The following AGBL4 variants were observed in gnomAD, a reference collection of about 807,000 sequenced individuals.
AGBL4 encodes cytosolic carboxypeptidase 6.
In AGBL4, 58 loss-of-function variants were observed where a neutral mutation model predicts 66.4. That is an observed-to-expected ratio of 0.87 (90% CI 0.71 to 1.09). The LOEUF is 1.09. Among genes scored for constraint, AGBL4 ranks in the 50% least tolerant of loss-of-function variants. The probability of loss-of-function intolerance (pLI) is 0.00; values close to 1 mark genes in which losing one functional copy is unlikely to be tolerated. For missense variants in AGBL4, 579 were observed against 631.0 expected (o/e 0.92, Z 0.88); for synonymous variants, 234 against 222.9 (o/e 1.05, Z -0.44).
intron 6 of AGBL4, among the ~76,000 whole-genome samples, chr1:48,843,717 G>C (rs1032400647): frequency 7.9e-5 from 12 of 151,718 alleles, no homozygotes; most frequent in South Asian, 6.3e-4. Flanking sequence ...AGTCAGAAAG[G>C]CCCTTTGAAA....
intron 3 of AGBL4, among the ~76,000 whole-genome samples, chr1:49,258,250 TCTC>T (rs1652737496): frequency 6.6e-6 from 1 of 151,980 alleles, no homozygotes; most frequent in South Asian, 2.1e-4. Context: ...GCAGAGCGCC[TCTC>T]CTCCTCCAAA....
intron 6 of AGBL4, among the ~76,000 whole-genome samples, chr1:48,847,130 G>A (rs992736369): frequency 7.3e-5 from 11 of 150,760 alleles, no homozygotes; most frequent in East Asian, 2.0e-4. Flanking sequence ...GAGAAACCCC[G>A]TCTCTACTAA....
intron 1 of AGBL4, among the ~76,000 whole-genome samples, chr1:49,875,226 T>C (rs1382835704): frequency 1.3e-5 from 2 of 149,638 alleles, no homozygotes; most frequent in Non-Finnish European, 3.0e-5. Flanking sequence ...TACATATGTA[T>C]ACATATGCCA....
chr1:49,958,923 T>C (rs896810487), intron 1 of AGBL4, among the ~76,000 whole-genome samples: 1 of 151,350 alleles, frequency 6.6e-6, no homozygotes, highest in African/African-American at 2.4e-5. Context: ...AAAAAATTCA[T>C]ATCCCATCTT....
At chr1:50,023,105 C>T (rs954664078) in intron 1 of AGBL4, among the ~76,000 whole-genome samples, 2 of 152,292 alleles carry the variant, frequency 1.3e-5, no homozygotes, top group Non-Finnish European at 1.5e-5. Flanking sequence ...CTCACACTCA[C>T]GCTCCAGCCT....
chr1:49,907,230 A>G (rs1223176926), intron 1 of AGBL4, among the ~76,000 whole-genome samples: 1 of 152,152 alleles, frequency 6.6e-6, no homozygotes, highest in African/African-American at 2.4e-5. Context: ...GATGCTATAT[A>G]AAGAACAGTA....
chr1:49,457,239 T>C (rs1213973450), intron 3 of AGBL4, among the ~76,000 whole-genome samples: 10 of 151,756 alleles, frequency 6.6e-5, no homozygotes, highest in Non-Finnish European at 1.3e-4. Context: ...ACATCTATTA[T>C]TTTTTGATTT....
intron 6 of AGBL4, chr1:48,776,560 C>A (rs1409338857): frequency 1.5e-6 from 2 of 1,336,724 alleles, no homozygotes; most frequent in Non-Finnish European, 9.7e-7. Context: ...CCCGGGGTCC[C>A]AGCCCCCGCC....
chr1:48,562,060 G>A lies in AGBL4; in HGVS notation c.1268-22322C>T, dbSNP rs1466342123. 2.6e-5 allele frequency among the ~76,000 whole-genome samples: 4 copies of A among 152,136 alleles called. No individual in the cohort carries two copies. The East Asian group carries it at 7.7e-4, about 29-fold the overall frequency. Reference sequence around the variant, plus strand: ...TGATATTGACATAGATATTCTATTGGTTCTGTTTCTCTGGAGAACCCTGAC... The same window carrying A: ...TGATATTGACATAGATATTCTATTGATTCTGTTTCTCTGGAGAACCCTGAC... On this transcript the variant is annotated intron_variant, in intron 11 of 13. Transcript: ENST00000371839.
chr1:49,952,224 A>T (rs528380655), intron 1 of AGBL4, among the ~76,000 whole-genome samples: 1 of 152,066 alleles, frequency 6.6e-6, no homozygotes, highest in East Asian at 1.9e-4. Flanking sequence ...AGGAAGCCTC[A>T]TTCCAGAGAC....
At chr1:49,650,022 AT>A (rs1210660468) in intron 3 of AGBL4, among the ~76,000 whole-genome samples, 4 of 152,234 alleles carry the variant, frequency 2.6e-5, no homozygotes, top group Non-Finnish European at 5.9e-5. Context: ...TATTGAAGGC[AT>A]ATATTGCTAA....
chr1:48,748,422 G>A (rs932766807), intron 6 of AGBL4, among the ~76,000 whole-genome samples: 11 of 152,212 alleles, frequency 7.2e-5, no homozygotes, highest in African/African-American at 2.4e-5. Flanking sequence ...GTGCTTCACT[G>A]TCCAGCAGTG....
At position 49,646,967 on chromosome 1, in the gene AGBL4, CA is replaced by C. The variant is rs573759531; in HGVS notation, c.282+50345del. ...CTAAAACAGTATGGTATCCATAGACCAAAAAAAAAAAATCAAAAAATACAAA... is the reference window on the plus strand; with the variant it reads ...CTAAAACAGTATGGTATCCATAGACCAAAAAAAAAAATCAAAAAATACAAA... On this transcript the variant is annotated intron_variant, in intron 3 of 13. Coordinates refer to ENST00000371839, the MANE Select transcript of AGBL4 (RefSeq NM_032785.4). Among the ~76,000 whole-genome samples the C allele has an allele frequency of 4.5e-3, 615 of 137,742 alleles. 4 individuals carry two copies. Among genetic ancestry groups the C allele is most frequent in the African/African-American group, 0.011 (410 of 37,994 alleles). 90.4% of individuals were successfully genotyped at this position (137,742 alleles called of 152,430 possible).
chr1:48,756,944 G>C (rs369287272), intron 6 of AGBL4, among the ~76,000 whole-genome samples: 1 of 152,194 alleles, frequency 6.6e-6, no homozygotes, highest in Non-Finnish European at 1.5e-5. Flanking sequence ...AAGGCCTGTG[G>C]GATGGGAGAG....
chr1:48,867,873 G>C (rs979727487), intron 5 of AGBL4, among the ~76,000 whole-genome samples: 5 of 152,194 alleles, frequency 3.3e-5, no homozygotes, highest in African/African-American at 7.2e-5. Flanking sequence ...GGATGAGGCA[G>C]CTTATGTTTG....
At chr1:49,579,589 T>G (rs1644502033) in intron 3 of AGBL4, among the ~76,000 whole-genome samples, 1 of 152,096 alleles carries the variant, frequency 6.6e-6, no homozygotes, top group African/African-American at 2.4e-5. Flanking sequence ...AAGCTCCACC[T>G]CCCACGTTGA....
At chr1:48,953,649 G>GT (rs1011095951) in intron 5 of AGBL4, among the ~76,000 whole-genome samples, 17 of 152,168 alleles carry the variant, frequency 1.1e-4, no homozygotes, top group African/African-American at 7.2e-5. Flanking sequence ...TGAAAGTGAG[G>GT]TTTTTTCCTT....
chr1:49,279,236 T>C (rs1644229003), intron 3 of AGBL4, among the ~76,000 whole-genome samples: 1 of 152,150 alleles, frequency 6.6e-6, no homozygotes, highest in Admixed American at 6.5e-5. Context: ...GACTGATTGA[T>C]TGAAAAGACA....
chr1:49,194,599 T>C (rs1647189268), intron 4 of AGBL4, among the ~76,000 whole-genome samples: 1 of 150,906 alleles, frequency 6.6e-6, no homozygotes, highest in Non-Finnish European at 1.5e-5. Context: ...TTCTTGTTTG[T>C]TTTTTTTTCT....
Sources: allele counts gnomAD v4.1 joint callset (sites outside exome capture counted in the v4.1 genomes callset), GRCh38; gene constraint gnomAD v4.1.1; transcripts MANE v1.5; gene names NCBI Gene and HGNC (gene_info 2026-07-23, HGNC 2026-07-21).